Variants in ADCY9 observed in about 807,000 individuals in gnomAD.
ADCY9 encodes adenylate cyclase type 9.
ADCY9 carries 50 observed loss-of-function variants against 101.5 expected under a neutral mutation model. The ratio of observed to expected loss-of-function variants is 0.49; its 90% CI spans 0.39 to 0.62. ADCY9 has a LOEUF of 0.62. Among genes scored for constraint, ADCY9 ranks in the 20% least tolerant of loss-of-function variants. The pLI, the probability that ADCY9 is intolerant of heterozygous loss-of-function variation, is 0.00. For synonymous variants in ADCY9, 905 were observed against 769.3 expected (o/e 1.18, Z -2.92); for missense variants, 1,662 against 1,800.4 (o/e 0.92, Z 1.39).
chr16:4,102,964 C>T (rs1017283924), intron 2 of ADCY9, among the ~76,000 whole-genome samples: 3 of 152,190 alleles, frequency 2.0e-5, no homozygotes, highest in Non-Finnish European at 2.9e-5. Context: ...TCAGGTGATC[C>T]ACCCACCTCG....
At chr16:4,070,156 C>T (rs2056825216) in intron 2 of ADCY9, among the ~76,000 whole-genome samples, 1 of 151,744 alleles carries the variant, frequency 6.6e-6, no homozygotes, top group Admixed American at 6.6e-5. Flanking sequence ...ACTTTTAAGG[C>T]ATTCTCTTTT....
chr16:4,108,360 A>ATTCTTTTTTT (rs2057091332), intron 2 of ADCY9, among the ~76,000 whole-genome samples: 1 of 53,712 alleles, frequency 1.9e-5, no homozygotes, highest in Non-Finnish European at 3.2e-5. Context: ...CCGTTTCTTC[A>ATTCTTTTTTT]TTTTTTTTTT....
In ADCY9 at chr16:3,971,242, T is replaced by C. The variant is rs2056048982; in HGVS notation, c.2870+3427A>G. ...CTCACTGCTGGAGGAATTAAGCCCA[T>C]CCCGTGTGACTCTACCGGGAGAGGA... On this transcript the variant is annotated intron_variant, in intron 10 of 10. Coordinates refer to ENST00000294016, the MANE Select transcript of ADCY9 (RefSeq NM_001116.4). Among the ~76,000 whole-genome samples, 2 of 152,036 alleles carry C rather than the reference T, an allele frequency of 1.3e-5. 1 individual carries two copies. The highest frequency in any genetic ancestry group is 2.9e-5 in the Non-Finnish European group (2 of 68,014).
chr16:3,965,406 G>A lies in ADCY9; in HGVS notation c.*369C>T, dbSNP rs564604278. On this transcript the variant is annotated 3_prime_UTR_variant, in exon 11 of 11. Coordinates refer to ENST00000294016, the MANE Select transcript of ADCY9 (RefSeq NM_001116.4). Reference sequence around the variant, plus strand: ...AGTGTCTCGTGGGACGTGGGAAAAAGCAATAAAAATGAGATCTTAACCACA... The same window carrying A: ...AGTGTCTCGTGGGACGTGGGAAAAAACAATAAAAATGAGATCTTAACCACA... 5 of 265,302 alleles carry A rather than the reference G, an allele frequency of 1.9e-5. No individual in the cohort carries two copies. Among genetic ancestry groups the A allele is most frequent in the Non-Finnish European group, 3.6e-5 (5 of 140,034 alleles). 16.4% of individuals were successfully genotyped at this position (265,302 alleles called of 1,614,324 possible).
chr16:4,049,757 T>C (rs1172057172), intron 2 of ADCY9, among the ~76,000 whole-genome samples: 5 of 152,184 alleles, frequency 3.3e-5, no homozygotes, highest in Non-Finnish European at 5.9e-5. Context: ...GAAATATCGA[T>C]AAGGGAGGCC....
intron 2 of ADCY9, among the ~76,000 whole-genome samples, chr16:4,013,416 C>T (rs935450231): frequency 7.3e-5 from 11 of 150,626 alleles, no homozygotes; most frequent in South Asian, 2.1e-4. Context: ...AGTGAAACTC[C>T]GTCTCAAAAA....
chr16:4,101,088 G>A (rs2057040185), intron 2 of ADCY9, among the ~76,000 whole-genome samples: 1 of 152,172 alleles, frequency 6.6e-6, no homozygotes, highest in Non-Finnish European at 1.5e-5. Flanking sequence ...TCTGTGAGAT[G>A]GGTACTAGTG....
intron 2 of ADCY9, among the ~76,000 whole-genome samples, chr16:4,072,284 G>T (rs530628567): frequency 1.3e-5 from 2 of 152,218 alleles, no homozygotes; most frequent in African/African-American, 4.8e-5. Context: ...TAGCTCCATC[G>T]TGGATGCTAC....
chr16:4,054,425 C>G (rs376770942), intron 2 of ADCY9, among the ~76,000 whole-genome samples: 4 of 152,072 alleles, frequency 2.6e-5, no homozygotes, highest in Non-Finnish European at 5.9e-5. Flanking sequence ...TCGCAGGGCT[C>G]GGTTCTGAAA....
At position 3,963,654 on chromosome 16, in the gene ADCY9, T is replaced by G. The variant is rs1424011848; in HGVS notation, c.*2121A>C. ...TGGGGAAGAAGTGTGTGCGGAGAAC[T>G]TTGCGGAGCATGTTCTGAGCGAGAC... On this transcript the variant is annotated 3_prime_UTR_variant, in exon 11 of 11. Transcript: ENST00000294016. The G allele has an allele frequency of 2.7e-5, 8 of 295,906 alleles. No homozygotes were observed. The East Asian group carries it at 4.3e-4, about 16-fold the overall frequency. 18.3% of individuals were successfully genotyped at this position (295,906 alleles called of 1,614,324 possible). A position where few individuals can be genotyped will look rare whatever the true frequency, so the allele number is the denominator to read the frequency against.
intron 10 of ADCY9, among the ~76,000 whole-genome samples, chr16:3,974,309 G>A (rs2056076384): frequency 6.6e-6 from 1 of 152,226 alleles, no homozygotes; most frequent in Admixed American, 6.5e-5. Context: ...CTCCCAAAAT[G>A]CTGGGATTAC....
intron 2 of ADCY9, among the ~76,000 whole-genome samples, chr16:4,056,333 T>C (rs879722174): frequency 4.6e-5 from 7 of 152,152 alleles, no homozygotes; most frequent in Non-Finnish European, 1.0e-4. Context: ...CAGCTCACTG[T>C]AACCTCCGCT....
intron 10 of ADCY9, 75 bp from the exon 11 acceptor site, chr16:3,967,041 C>G (rs566448676): frequency 1.6e-5 from 20 of 1,288,292 alleles, no homozygotes; most frequent in East Asian, 2.3e-5. Flanking sequence ...CCGCTAGCTA[C>G]GCAAAGCTTT....
intron 2 of ADCY9, among the ~76,000 whole-genome samples, chr16:4,092,708 C>T (rs1278414619): frequency 6.6e-6 from 1 of 152,180 alleles, no homozygotes; most frequent in Non-Finnish European, 1.5e-5. Context: ...TCCTGAACGC[C>T]TGTACCTAGC....
At chr16:4,011,209 C>G (rs1176352845) in intron 2 of ADCY9, among the ~76,000 whole-genome samples, 1 of 152,134 alleles carries the variant, frequency 6.6e-6, no homozygotes, top group South Asian at 2.1e-4. Flanking sequence ...TCATGAAAGG[C>G]CCTCTACAGA....
downstream of ADCY9, among the ~76,000 whole-genome samples, chr16:3,959,108 C>T (rs1415335464): frequency 6.6e-6 from 1 of 152,094 alleles, no homozygotes; most frequent in Non-Finnish European, 1.5e-5. Flanking sequence ...CATCTGTAAT[C>T]CCAGCACTTT....
chr16:3,987,715 G>C (rs909484840), intron 6 of ADCY9, among the ~76,000 whole-genome samples: 6 of 152,188 alleles, frequency 3.9e-5, no homozygotes, highest in Non-Finnish European at 8.8e-5. Context: ...GGGCTCACCA[G>C]GGTCTCTCTA....
At chr16:4,047,304 G>T (rs1386715774) in intron 2 of ADCY9, among the ~76,000 whole-genome samples, 1 of 150,444 alleles carries the variant, frequency 6.6e-6, no homozygotes, top group East Asian at 1.9e-4. Flanking sequence ...AGAAAAGAGA[G>T]AAAGGAAGAG....
chr16:4,013,365 G>A (rs949892014), intron 2 of ADCY9, among the ~76,000 whole-genome samples: 6 of 152,130 alleles, frequency 3.9e-5, no homozygotes, highest in African/African-American at 1.4e-4. Context: ...AGGTTGCAGT[G>A]AGCTGAGATC....
Sources: allele counts gnomAD v4.1 joint callset (sites outside exome capture counted in the v4.1 genomes callset), GRCh38; gene constraint gnomAD v4.1.1; transcripts MANE v1.5; gene names NCBI Gene and HGNC (gene_info 2026-07-23, HGNC 2026-07-21).